The following PCDHGA5 variants were observed in gnomAD, a reference collection of about 807,000 sequenced individuals.
PCDHGA5 encodes the protein protocadherin gamma-A5.
A neutral mutation model predicts 56.7 loss-of-function variants in PCDHGA5; 36 were observed. That is an observed-to-expected ratio of 0.64 (90% CI 0.49 to 0.84). The LOEUF (loss-of-function observed/expected upper bound fraction) is 0.84, where lower values mean the gene tolerates loss of function less well. PCDHGA5 is among the 40% of genes least tolerant of loss of function. The pLI, the probability that PCDHGA5 is intolerant of heterozygous loss-of-function variation, is 0.00. For synonymous variants in PCDHGA5, 563 were observed against 520.2 expected, an observed-to-expected ratio of 1.08 and a Z score of -1.12; for missense variants, 1,305 against 1,201.5, an observed-to-expected ratio of 1.09 and a Z score of -1.27.
At chr5:141,393,944 A>G (rs756691407) in intron 1 of PCDHGA5, 3 of 1,613,998 alleles carry the variant, frequency 1.9e-6, no homozygotes, top group South Asian at 1.1e-5. Flanking sequence ...AAGACTCTGG[A>G]AAGAATGGTC....
Position 141,405,169 on chromosome 5 carries a change from C to G in PCDHGA5, c.2421+38418C>G, listed in dbSNP as rs377298438. 12 of 1,614,004 alleles carry G rather than the reference C, an allele frequency of 7.4e-6. No homozygotes were observed. The African/African-American group carries it at 1.6e-4, about 22-fold the overall frequency. On this transcript the variant is annotated intron_variant, in intron 1 of 3. Coordinates refer to ENST00000518069, the MANE Select transcript of PCDHGA5 (RefSeq NM_018918.3). ...GGTTGGCTGGTGTGCCCACCTCACA[C>G]TTTGTGGGTGTAGATGGGGTTCGAG...
chr5:141,417,232 G>C (rs997894028), intron 1 of PCDHGA5: 5 of 152,072 alleles, frequency 3.3e-5, no homozygotes, highest in Non-Finnish European at 7.4e-5. Flanking sequence ...AAAATTTGTT[G>C]CTTATCTTCA....
chr5:141,405,398 CT>C, intron 1 of PCDHGA5: 1 of 1,590,264 alleles, frequency 6.3e-7, no homozygotes, highest in Non-Finnish European at 8.6e-7. Context: ...TTTTTTCTTT[CT>C]TTCTTTTCTT....
intron 1 of PCDHGA5, chr5:141,398,744 GTTACCATCGT>G (rs765550213): frequency 1.3e-4 from 209 of 1,613,736 alleles, no homozygotes; most frequent in Non-Finnish European, 1.7e-4. Context: ...GAACAACAGA[GTTACCATCGT>G]TTAGTCCTGA....
At chr5:141,499,022 AAGG>A (rs2099788758) in intron 2 of PCDHGA5, among the ~76,000 whole-genome samples, 3 of 150,722 alleles carry the variant, frequency 2.0e-5, no homozygotes, top group Non-Finnish European at 3.0e-5. Context: ...GGAAGGAAGG[AAGG>A]AAGAAAAGAA....
chr5:141,399,465 G>T, intron 1 of PCDHGA5: 1 of 1,614,014 alleles, frequency 6.2e-7, no homozygotes, highest in Non-Finnish European at 8.5e-7. Context: ...ATAACGCTCC[G>T]GTTTTCCACC....
rs756237595 is a variant in PCDHGA5, at chr5:141,398,946, C to T, written c.2421+32195C>T. The T allele has an allele frequency of 1.9e-6, 3 of 1,613,830 alleles. No individual in the cohort carries two copies. The Admixed American group carries it at 5.0e-5, about 27-fold the overall frequency. ...CAGCCACTGACCAAGACGAGGGCAT[C>T]AACTCAGAAATTACTTATTCCTTCT... On this transcript the variant is annotated intron_variant, in intron 1 of 3. Coordinates refer to ENST00000518069, the MANE Select transcript of PCDHGA5 (RefSeq NM_018918.3).
At chr5:141,478,891 A>G (rs1045274228) in intron 1 of PCDHGA5, 10 of 1,122,064 alleles carry the variant, frequency 8.9e-6, no homozygotes, top group Admixed American at 3.1e-5. Context: ...TATCATTTAC[A>G]TTAGGAATAA....
At chr5:141,429,599 A>G (rs2097227286) in intron 1 of PCDHGA5, among the ~76,000 whole-genome samples, 1 of 152,238 alleles carries the variant, frequency 6.6e-6, no homozygotes, top group Non-Finnish European at 1.5e-5. Flanking sequence ...TAATTCAAGT[A>G]AACTCAATTT....
chr5:141,396,708 T>C (rs1402538886), intron 1 of PCDHGA5: 1 of 152,190 alleles, frequency 6.6e-6, no homozygotes, highest in Admixed American at 6.5e-5. Flanking sequence ...AGCATTTGAA[T>C]AAAGCTAATA....
chr5:141,408,918 C>G, intron 1 of PCDHGA5: 1 of 1,613,408 alleles, frequency 6.2e-7, no homozygotes, highest in Non-Finnish European at 8.5e-7. Flanking sequence ...AATGATAACC[C>G]CCCGGTTTTC....
At chr5:141,474,871 A>G (rs894657981) in intron 1 of PCDHGA5, among the ~76,000 whole-genome samples, 5 of 152,236 alleles carry the variant, frequency 3.3e-5, no homozygotes, top group African/African-American at 1.2e-4. Context: ...ATAGGATAGG[A>G]GCAGGAACTC....
chr5:141,431,215 CCCTCTACCCCACG>C lies in PCDHGA5; in HGVS notation c.2422-63588_2422-63576del. The C allele has an allele frequency of 6.2e-7, 1 of 1,614,184 alleles. No homozygotes were observed. Among genetic ancestry groups the C allele is most frequent in the Non-Finnish European group, 8.5e-7 (1 of 1,180,048 alleles). On this transcript the variant is annotated intron_variant, in intron 1 of 3. Transcript: ENST00000518069. The surrounding 1 kb of genome is among the most constrained non-coding windows in gnomAD (Gnocchi z 4.8). ...AAAATGCAGCCACTGAGATGCGGTT[CCCTCTACCCCACG>C]CCTGGGATCCGGATATCGGGAAGAA... is the stretch of plus-strand genomic sequence containing the variant.
At chr5:141,382,115 A>G (rs1777964060) in intron 1 of PCDHGA5, among the ~76,000 whole-genome samples, 2 of 152,100 alleles carry the variant, frequency 1.3e-5, no homozygotes, top group African/African-American at 4.8e-5. Flanking sequence ...GGCGTGAGCA[A>G]CAGCACCTGG....
chr5:141,383,152 G>A lies in PCDHGA5; in HGVS notation c.2421+16401G>A, dbSNP rs200500982. 5.1e-5 allele frequency: 83 copies of A among 1,614,124 alleles called. No individual in the cohort carries two copies. The African/African-American group carries it at 8.8e-4, about 17-fold the overall frequency. Reference sequence around the variant, plus strand: ...CCTGAACCAGCGCAGCGGCAGCTTGGTCACTGCGGGCAGGATAGACCGGGA... The same window carrying A: ...CCTGAACCAGCGCAGCGGCAGCTTGATCACTGCGGGCAGGATAGACCGGGA... On this transcript the variant is annotated intron_variant, in intron 1 of 3. Coordinates refer to ENST00000518069, the MANE Select transcript of PCDHGA5 (RefSeq NM_018918.3).
chr5:141,399,780 A>G (rs1444494014), intron 1 of PCDHGA5: 1 of 1,613,288 alleles, frequency 6.2e-7, no homozygotes, highest in Non-Finnish European at 8.5e-7. Flanking sequence ...TGGGCGACCG[A>G]AACGACAACG....
At chr5:141,385,603 T>G (rs968822799) in intron 1 of PCDHGA5, 19 of 1,190,040 alleles carry the variant, frequency 1.6e-5, no homozygotes, top group Non-Finnish European at 2.0e-5. Flanking sequence ...CTTTCTTAAC[T>G]CATATATTTT....
rs556498014 is a variant in PCDHGA5, at chr5:141,368,537, TC to T, written c.2421+1788del. On this transcript the variant is annotated intron_variant, in intron 1 of 3. Coordinates refer to ENST00000518069, the MANE Select transcript of PCDHGA5 (RefSeq NM_018918.3). ...TCACTCCTATGTGAAAACTTGCTTT[TC>T]CATTTTTTTTAAAAGAAAATGTTAT... Among the ~76,000 whole-genome samples the T allele has an allele frequency of 2.0e-3, 312 of 152,342 alleles. 1 individual carries two copies. Among genetic ancestry groups the T allele is most frequent in the Middle Eastern group, 0.01 (3 of 294 alleles).
intron 1 of PCDHGA5, among the ~76,000 whole-genome samples, chr5:141,454,658 G>A (rs961640658): frequency 7.2e-5 from 11 of 151,812 alleles, no homozygotes; most frequent in Admixed American, 6.6e-5. Context: ...TGCCCACCTC[G>A]GCCTCCCAAA....
Sources: allele counts gnomAD v4.1 joint callset (sites outside exome capture counted in the v4.1 genomes callset), GRCh38; gene constraint gnomAD v4.1.1; non-coding constraint Gnocchi (gnomAD v3.1); transcripts MANE v1.5; gene names NCBI Gene and HGNC (gene_info 2026-07-23, HGNC 2026-07-21).